TMEM178B: variants seen among roughly 807,000 people sequenced by gnomAD.
The protein encoded by TMEM178B is transmembrane protein 178B.
A neutral mutation model predicts 31.0 loss-of-function variants in TMEM178B; 5 were observed. That is an observed-to-expected ratio of 0.16 (90% CI 0.08 to 0.34). TMEM178B has a LOEUF of 0.34. Among genes scored for constraint, TMEM178B ranks in the 10% least tolerant of loss-of-function variants. The probability of loss-of-function intolerance (pLI) is 1.00; values close to 1 mark genes in which losing one functional copy is unlikely to be tolerated. For synonymous variants in TMEM178B, 164 were observed against 164.0 expected (o/e 1.00, Z 0.00); for missense variants, 275 against 400.3 (o/e 0.69, Z 2.67).
At chr7:141,327,160 G>A (rs1406702574) in intron 2 of TMEM178B, among the ~76,000 whole-genome samples, 1 of 152,060 alleles carries the variant, frequency 6.6e-6, no homozygotes, top group Non-Finnish European at 1.5e-5. Context: ...CCTAAATTGG[G>A]TAGACGGTGG....
At chr7:141,115,503 G>A (rs1009884220) in intron 1 of TMEM178B, among the ~76,000 whole-genome samples, 5 of 152,190 alleles carry the variant, frequency 3.3e-5, no homozygotes, top group Non-Finnish European at 7.4e-5. Context: ...TTTAACACCA[G>A]GCATAGGACT....
chr7:141,092,076 A>C (rs999773803), intron 1 of TMEM178B, among the ~76,000 whole-genome samples: 4 of 152,182 alleles, frequency 2.6e-5, no homozygotes, highest in Non-Finnish European at 5.9e-5. Context: ...TCTTGTGTCC[A>C]CTGTTATAGC....
At chr7:141,481,708 G>T (rs1034318555), downstream of TMEM178B, among the ~76,000 whole-genome samples, 4 of 151,752 alleles carry the variant, frequency 2.6e-5, no homozygotes, top group Non-Finnish European at 5.9e-5. Context: ...GATGAGGGAA[G>T]GGTTTTACAA....
At chr7:141,180,163 C>T (rs184743557) in intron 1 of TMEM178B, among the ~76,000 whole-genome samples, 3 of 152,052 alleles carry the variant, frequency 2.0e-5, no homozygotes, top group Non-Finnish European at 4.4e-5. Context: ...AATTGATGGC[C>T]GTGTTTTAAA....
chr7:141,437,200 T>A lies in TMEM178B; in HGVS notation c.497-408T>A, dbSNP rs1801561308. On this transcript the variant is annotated intron_variant, in intron 2 of 3. Coordinates refer to ENST00000565468, the MANE Select transcript of TMEM178B (RefSeq NM_001195278.2). ...TGATGCTGTGTTTGGAAGCTGGGAG[T>A]GCTAGACAGGTCTGGGTTCCAGTCT... is the stretch of plus-strand genomic sequence containing the variant. Among the ~76,000 whole-genome samples, 3 of 152,114 alleles carry A rather than the reference T, an allele frequency of 2.0e-5. 1 individual carries two copies. In the South Asian group the frequency reaches 6.2e-4, roughly 32 times the overall value.
At chr7:141,326,001 T>G (rs186144942) in intron 2 of TMEM178B, among the ~76,000 whole-genome samples, 5 of 152,326 alleles carry the variant, frequency 3.3e-5, no homozygotes, top group Admixed American at 3.3e-4. Flanking sequence ...ACAGCCAGCA[T>G]TGCTAATGTA....
At chr7:141,082,826 T>G (rs1376706624) in intron 1 of TMEM178B, among the ~76,000 whole-genome samples, 1 of 152,228 alleles carries the variant, frequency 6.6e-6, no homozygotes, top group African/African-American at 2.4e-5. Context: ...AGGTCTTACC[T>G]GCATCAATTG....
chr7:141,461,373 GA>G lies in TMEM178B; in HGVS notation c.635-9162del, dbSNP rs1377030202. ...CGCAGACACCGTTCCACATTCCTGG[GA>G]GCAGAAAATGTCACACAGATGGATA... On this transcript the variant is annotated intron_variant, in intron 3 of 3. Coordinates refer to ENST00000565468, the MANE Select transcript of TMEM178B (RefSeq NM_001195278.2). This position sits in a 1 kb window ranked among gnomAD's most constrained non-coding sequence, Gnocchi z 4.0. Among the ~76,000 whole-genome samples the G allele has an allele frequency of 6.6e-6, 1 of 152,194 alleles. No individual in the cohort carries two copies. The highest frequency in any genetic ancestry group is 1.5e-5 in the Non-Finnish European group (1 of 68,036).
At chr7:141,435,609 C>G (rs1801521278) in intron 2 of TMEM178B, among the ~76,000 whole-genome samples, 1 of 152,166 alleles carries the variant, frequency 6.6e-6, no homozygotes, top group Non-Finnish European at 1.5e-5. Context: ...ACAGATGATT[C>G]AATAAGAAGG....
chr7:141,426,774 T>G (rs1801324763), intron 2 of TMEM178B, among the ~76,000 whole-genome samples: 1 of 152,178 alleles, frequency 6.6e-6, no homozygotes. Context: ...CTACATTATG[T>G]AGTTATATAG....
intron 2 of TMEM178B, among the ~76,000 whole-genome samples, chr7:141,298,141 T>G (rs1314797250): frequency 6.6e-6 from 1 of 152,258 alleles, no homozygotes; most frequent in African/African-American, 2.4e-5. Context: ...GTCTGTTGGT[T>G]GCATAAATGT....
intron 2 of TMEM178B, among the ~76,000 whole-genome samples, chr7:141,337,792 A>G (rs1390419888): frequency 6.6e-6 from 1 of 152,224 alleles, no homozygotes; most frequent in African/African-American, 2.4e-5. Flanking sequence ...CAAACAAAAA[A>G]AGGTGGAAAA....
chr7:141,345,537 C>G (rs1799604026), intron 2 of TMEM178B, among the ~76,000 whole-genome samples: 2 of 152,154 alleles, frequency 1.3e-5, no homozygotes, highest in Non-Finnish European at 2.9e-5. Flanking sequence ...ACACAGCAAG[C>G]TGTGTTGTGT....
intron 3 of TMEM178B, among the ~76,000 whole-genome samples, chr7:141,452,120 G>A (rs550770473): frequency 1.8e-4 from 27 of 152,006 alleles, no homozygotes; most frequent in Admixed American, 7.2e-4. Flanking sequence ...AAACATGTCC[G>A]CTTGTCAACA....
At chr7:141,362,119 G>A (rs548676156) in intron 2 of TMEM178B, among the ~76,000 whole-genome samples, 2 of 152,152 alleles carry the variant, frequency 1.3e-5, no homozygotes, top group Admixed American at 6.5e-5. Context: ...GCTAATTAGC[G>A]CATCGAGTCA....
At chr7:141,160,744 A>G (rs192351790) in intron 1 of TMEM178B, among the ~76,000 whole-genome samples, 103 of 152,342 alleles carry the variant, frequency 6.8e-4, no homozygotes, top group African/African-American at 2.3e-3. Context: ...TCTCTGGTAC[A>G]CTGAGCTTGT....
chr7:141,480,269 G>A lies in TMEM178B; in HGVS notation c.*9483G>A. ...TTCCATTGATTGAAGAAAAACAAGT[G>A]TCTGGTAATTAATTAAATGACTTGT... On this transcript the variant is annotated 3_prime_UTR_variant, in exon 4 of 4. Transcript: ENST00000565468. The A allele has an allele frequency of 6.6e-6, 1 of 152,162 alleles. No homozygotes were observed. Among genetic ancestry groups the A allele is most frequent in the African/African-American group, 2.4e-5 (1 of 41,418 alleles). 9.4% of individuals were successfully genotyped at this position (152,162 alleles called of 1,614,324 possible).
chr7:141,333,954 G>T (rs1421235293), intron 2 of TMEM178B, among the ~76,000 whole-genome samples: 5 of 152,202 alleles, frequency 3.3e-5, no homozygotes, highest in African/African-American at 1.2e-4. Context: ...TCACTCACCT[G>T]CCCACCTGCA....
rs183787459 is a variant in TMEM178B at position 141,301,907 on chromosome 7, G to C, written c.496+89203G>C. Among the ~76,000 whole-genome samples, 1,266 of 152,324 alleles carry C rather than the reference G, an allele frequency of 8.3e-3. 7 individuals are homozygous for C. The highest frequency in any genetic ancestry group is 0.013 in the Non-Finnish European group (877 of 68,030). On this transcript the variant is annotated intron_variant, in intron 2 of 3. Coordinates refer to ENST00000565468, the MANE Select transcript of TMEM178B (RefSeq NM_001195278.2). ...CCAAACAACTCCTGGGTTCGAGGCT[G>C]TGATGACAGCATCCATTGTTCAGAC... is the stretch of plus-strand genomic sequence containing the variant.
Sources: allele counts gnomAD v4.1 joint callset (sites outside exome capture counted in the v4.1 genomes callset), GRCh38; gene constraint gnomAD v4.1.1; non-coding constraint Gnocchi (gnomAD v3.1); transcripts MANE v1.5; gene names NCBI Gene and HGNC (gene_info 2026-07-23, HGNC 2026-07-21).